The following THADA variants were observed in gnomAD, a reference collection of about 807,000 sequenced individuals.
The protein encoded by THADA is tRNA (32-2'-O)-methyltransferase regulator THADA.
Under a neutral mutation model 219.8 loss-of-function variants are expected in THADA, and 213 were observed. The observed-to-expected ratio is 0.97, with a 90% CI of 0.87 to 1.09. The LOEUF is 1.09. THADA is among the 50% of genes least tolerant of loss of function. The probability of loss-of-function intolerance (pLI) is 0.00; values close to 1 mark genes in which losing one functional copy is unlikely to be tolerated. For synonymous variants in THADA, 1,018 were observed against 828.9 expected (o/e 1.23, Z -3.92); for missense variants, 2,956 against 2,311.3 (o/e 1.28, Z -5.72).
chr2:43,569,651 T>A (rs1002254386), intron 14 of THADA, among the ~76,000 whole-genome samples: 1 of 152,186 alleles, frequency 6.6e-6, no homozygotes, highest in Non-Finnish European at 1.5e-5. Flanking sequence ...ATGTTTAGAG[T>A]AAGTAGTGAG....
intron 29 of THADA, among the ~76,000 whole-genome samples, chr2:43,348,059 C>T (rs993134856): frequency 3.3e-5 from 5 of 152,302 alleles, no homozygotes; most frequent in East Asian, 1.9e-4. Flanking sequence ...TTGAAACCAG[C>T]GGCTCAAAAC....
chr2:43,433,592 T>C (rs190579428), intron 26 of THADA, among the ~76,000 whole-genome samples: 2 of 152,270 alleles, frequency 1.3e-5, no homozygotes, highest in East Asian at 3.9e-4. Flanking sequence ...GGATTCCATA[T>C]TATAAAGATG....
chr2:43,317,423 T>C (rs1678209885), intron 31 of THADA, among the ~76,000 whole-genome samples: 1 of 152,208 alleles, frequency 6.6e-6, no homozygotes, highest in South Asian at 2.1e-4. Flanking sequence ...ATCTAAGACA[T>C]GGTCCATTCT....
chr2:43,357,543 A>G (rs1004385786), intron 29 of THADA, among the ~76,000 whole-genome samples: 2 of 152,226 alleles, frequency 1.3e-5, no homozygotes, highest in Admixed American at 6.5e-5. Flanking sequence ...ACAGACAAAC[A>G]GATATGAGCA....
intron 29 of THADA, among the ~76,000 whole-genome samples, chr2:43,380,115 A>G (rs1161705925): frequency 3.9e-5 from 6 of 152,244 alleles, no homozygotes; most frequent in Non-Finnish European, 5.9e-5. Context: ...TGGATTCTAC[A>G]TACTAGTCAA....
At chr2:43,366,161 T>C (rs1670126466) in intron 29 of THADA, among the ~76,000 whole-genome samples, 1 of 152,246 alleles carries the variant, frequency 6.6e-6, no homozygotes, top group Non-Finnish European at 1.5e-5. Flanking sequence ...GAATTGCTAA[T>C]AGTTTCTCTC....
intron 5 of THADA, 31 bp from the exon 6 acceptor site, chr2:43,586,765 AGTTTCAC>A: frequency 6.2e-7 from 1 of 1,611,064 alleles, no homozygotes; most frequent in Non-Finnish European, 8.5e-7. Context: ...ACTGGTAAGG[AGTTTCAC>A]GACCAAAATC....
At chr2:43,563,089 T>C (rs1298636035) in intron 15 of THADA, 1 of 152,234 alleles carries the variant, frequency 6.6e-6, no homozygotes, top group Non-Finnish European at 1.5e-5. Flanking sequence ...AATCTTTTTG[T>C]TTCCTTCCTT....
In THADA at chr2:43,292,230, A is replaced by C. The variant is rs1674820124; in HGVS notation, c.4819-8T>G. 6.4e-7 allele frequency: 1 copy of C among 1,554,880 alleles called. No individual in the cohort carries two copies. Among genetic ancestry groups the C allele is most frequent in the Admixed American group, 1.9e-5 (1 of 51,306 alleles). On this transcript the variant is annotated splice_polypyrimidine_tract_variant and splice_region_variant and intron_variant, in intron 32 of 37. Transcript: ENST00000405975. ...GTGGAGAATTTTCAGTATCTGTGTA[A>C]GCCAAATCCGCACACAAAAAAGAGA... is the stretch of plus-strand genomic sequence containing the variant.
intron 26 of THADA, among the ~76,000 whole-genome samples, chr2:43,482,892 A>G (rs1686404707): frequency 6.6e-6 from 1 of 152,222 alleles, no homozygotes; most frequent in Non-Finnish European, 1.5e-5. Flanking sequence ...CAATAGCCCT[A>G]GGAGTAGACA....
intron 36 of THADA, among the ~76,000 whole-genome samples, chr2:43,234,837 T>C (rs1022586838): frequency 2.6e-5 from 4 of 152,086 alleles, no homozygotes; most frequent in Non-Finnish European, 5.9e-5. Flanking sequence ...TTTGCCCAGC[T>C]AATTTTTGTA....
intron 11 of THADA, 50 bp downstream of exon 11, chr2:43,574,286 T>C: frequency 1.6e-6 from 2 of 1,286,266 alleles, no homozygotes; most frequent in Non-Finnish European, 2.1e-6. Flanking sequence ...GCTACCTACA[T>C]TTAAGCATCA....
chr2:43,391,481 A>C (rs1673375050), intron 29 of THADA, among the ~76,000 whole-genome samples: 1 of 152,232 alleles, frequency 6.6e-6, no homozygotes, highest in Non-Finnish European at 1.5e-5. Flanking sequence ...GATGTTTATA[A>C]GGAAGGGATT....
chr2:43,393,129 A>G (rs998019675), intron 29 of THADA, among the ~76,000 whole-genome samples: 2 of 152,170 alleles, frequency 1.3e-5, no homozygotes, highest in Non-Finnish European at 2.9e-5. Context: ...GACCAAAGAG[A>G]AATGATGACA....
chr2:43,232,749 A>C lies in THADA; in HGVS notation c.5430T>G (p.Ser1810Arg). The stretch of plus-strand genomic sequence containing the variant: ...TCTCCACACAGGCCACGAGGTCATC[A>C]CTCTCTCCCAACAGCCATCCCAGCA... The part of the protein sequence containing the change: ...PILLGWLLGE[S>R]DDLVACVESM... The change falls in exon 37 of 38, where the codon AGT (serine) becomes AGG (arginine). Residue 1810 changes from serine to arginine, a missense_variant. By Grantham distance (110) the Ser-to-Arg change is moderately radical (BLOSUM62 -1). Transcript: ENST00000405975. The C allele has an allele frequency of 1.9e-6, 3 of 1,613,470 alleles. No homozygotes were observed. In the Admixed American group the frequency reaches 5.0e-5, roughly 27 times the overall value.
chr2:43,579,223 T>C (rs546931098), intron 8 of THADA, among the ~76,000 whole-genome samples: 3 of 152,130 alleles, frequency 2.0e-5, no homozygotes, highest in African/African-American at 4.8e-5. Context: ...TCGCCAACTA[T>C]TGCTTCCCAA....
chr2:43,287,064 A>G lies in THADA; in HGVS notation c.5011-3T>C. 1 of 1,610,370 alleles carries G rather than the reference A, an allele frequency of 6.2e-7. No homozygotes were observed. The highest frequency in any genetic ancestry group is 1.1e-5 in the South Asian group (1 of 90,572). On this transcript the variant is annotated splice_polypyrimidine_tract_variant and splice_region_variant and intron_variant, in intron 34 of 37. Coordinates refer to ENST00000405975, the MANE Select transcript of THADA (RefSeq NM_022065.5). ...TCAGCAGCTATCAATTCCCTGTTCT[A>G]AAAGCACAAAATGTACCTATCAGTA...
chr2:43,370,693 G>C (rs1051887501), intron 29 of THADA, among the ~76,000 whole-genome samples: 2 of 152,128 alleles, frequency 1.3e-5, no homozygotes, highest in Non-Finnish European at 2.9e-5. Flanking sequence ...GTTTCAACAA[G>C]GGTGTATCAC....
chr2:43,498,954 A>G lies in THADA; in HGVS notation c.3623T>C (p.Val1208Ala). The change falls in exon 25 of 38, where the codon GTT (valine) becomes GCT (alanine). Residue 1208 changes from valine to alanine, a missense_variant and splice_region_variant. Transcript: ENST00000405975. ...TGCTCTAAGGATATTTAAAGCATGA[A>G]CCTAAAACAAGAAGTTCAAAATTAG... Reference protein sequence around the residue: ...TDDIQSTVPQVHALNILRALF... With the variant: ...TDDIQSTVPQAHALNILRALF... 1 of 1,560,176 alleles carries G rather than the reference A, an allele frequency of 6.4e-7. No individual in the cohort carries two copies. The highest frequency in any genetic ancestry group is 8.7e-7 in the Non-Finnish European group (1 of 1,151,376).
Sources: gnomAD v4.1 joint callset for allele counts (sites outside exome capture counted in the v4.1 genomes callset) on GRCh38, gnomAD v4.1.1 for gene constraint, MANE v1.5 for transcripts, NCBI Gene and HGNC (gene_info 2026-07-23, HGNC 2026-07-21) for gene names.